CDH4: variants seen among roughly 807,000 people sequenced by gnomAD.
CDH4 encodes the protein cadherin-4.
In CDH4, 33 loss-of-function variants were observed where a neutral mutation model predicts 86.0. That is an observed-to-expected ratio of 0.38 (90% confidence interval 0.29 to 0.51). The LOEUF (loss-of-function observed/expected upper bound fraction) is 0.51. Among genes scored for constraint, CDH4 ranks in the 20% least tolerant of loss-of-function variants. The pLI is 0.86. For synonymous variants in CDH4, 555 were observed against 549.4 expected (o/e 1.01, Z -0.14); for missense variants, 1,114 against 1,307.4 (o/e 0.85, Z 2.28).
chr20:61,871,996 CG>C (rs1463039739), intron 6 of CDH4, among the ~76,000 whole-genome samples: 3 of 149,270 alleles, frequency 2.0e-5, no homozygotes, highest in Non-Finnish European at 4.5e-5. Context: ...GCCAGAGTGG[CG>C]GTCTTCTCTG....
At chr20:61,893,328 GTTGGGTGGGTGGGTGGATAA>G (rs1236373974) in intron 7 of CDH4, among the ~76,000 whole-genome samples, 95 of 148,966 alleles carry the variant, frequency 6.4e-4, no homozygotes, top group East Asian at 1.0e-3. Flanking sequence ...AGTGATGGTG[GTTGGGTGGGTGGGTGGATAA>G]ATGAATGGGT....
In CDH4 at chr20:61,345,884, G is replaced by A. The variant is rs568486083; in HGVS notation, c.169+90947G>A. Among the ~76,000 whole-genome samples the A allele has an allele frequency of 4.6e-5, 7 of 152,318 alleles. No individual in the cohort carries two copies. In the South Asian group the frequency reaches 1.5e-3, roughly 32 times the overall value. On this transcript the variant is annotated intron_variant, in intron 2 of 15. Coordinates refer to ENST00000614565, the MANE Select transcript of CDH4 (RefSeq NM_001794.5). ...CTCTCCAAGGTATGCATTCCTTAGG[G>A]TGCCCTGTCAGCTCTGCGTCTTCTA...
intron 3 of CDH4, 123 bp from the exon 4 acceptor site, chr20:61,772,880 C>A: frequency 1.3e-6 from 1 of 748,686 alleles, no homozygotes; most frequent in Non-Finnish European, 2.0e-6. Flanking sequence ...AGCTCCTTGT[C>A]CCAGCGTTAC....
At chr20:61,365,165 A>G (rs1297860720) in intron 2 of CDH4, among the ~76,000 whole-genome samples, 3 of 152,246 alleles carry the variant, frequency 2.0e-5, no homozygotes, top group African/African-American at 7.2e-5. Context: ...GATCATAGCA[A>G]GAGTCCAAGG....
At chr20:61,275,902 G>A (rs1018488213) in intron 2 of CDH4, among the ~76,000 whole-genome samples, 1 of 152,102 alleles carries the variant, frequency 6.6e-6, no homozygotes, top group Admixed American at 6.6e-5. Context: ...TGAGACTGTA[G>A]CTTCTCTCTA....
At chr20:61,924,290 C>G (rs539003575) in intron 10 of CDH4, 44 bp from the exon 11 acceptor site, 1 of 1,513,658 alleles carries the variant, frequency 6.6e-7, no homozygotes, top group Non-Finnish European at 9.1e-7. Flanking sequence ...GGCAGCCCCG[C>G]CCACCCCCAG....
chr20:61,888,702 G>C (rs1984655143), intron 7 of CDH4, among the ~76,000 whole-genome samples: 1 of 152,368 alleles, frequency 6.6e-6, no homozygotes, highest in African/African-American at 2.4e-5. Context: ...ACATTCAGGA[G>C]ACCCAGCGGG....
At chr20:61,366,052 G>C (rs28542279) in intron 2 of CDH4, among the ~76,000 whole-genome samples, 1 of 152,212 alleles carries the variant, frequency 6.6e-6, no homozygotes, top group Non-Finnish European at 1.5e-5. Flanking sequence ...ATGGTTTTCA[G>C]GCAGCTCATG....
intron 2 of CDH4, among the ~76,000 whole-genome samples, chr20:61,381,060 G>A (rs548313187): frequency 1.1e-3 from 162 of 152,322 alleles, no homozygotes; most frequent in African/African-American, 3.4e-3. Flanking sequence ...ATTTTGCAAG[G>A]GAAGGTTATC....
chr20:61,273,322 G>A, intron 2 of CDH4, among the ~76,000 whole-genome samples: 1 of 142,200 alleles, frequency 7.0e-6, no homozygotes, highest in African/African-American at 2.6e-5. Flanking sequence ...GGAATACCAT[G>A]TGCAGTTTGG....
chr20:61,266,746 G>A (rs534691832), intron 2 of CDH4, among the ~76,000 whole-genome samples: 1 of 151,984 alleles, frequency 6.6e-6, no homozygotes, highest in Non-Finnish European at 1.5e-5. Context: ...CCTGCCTGGG[G>A]GGTGCTTGCT....
At chr20:61,825,909 C>T (rs1399547946) in intron 4 of CDH4, among the ~76,000 whole-genome samples, 3 of 152,212 alleles carry the variant, frequency 2.0e-5, no homozygotes, top group Non-Finnish European at 4.4e-5. Context: ...TGCCTCTCTT[C>T]GCCCACATCT....
At chr20:61,512,837 AAG>A (rs1381111140) in intron 2 of CDH4, among the ~76,000 whole-genome samples, 1 of 152,232 alleles carries the variant, frequency 6.6e-6, no homozygotes, top group Non-Finnish European at 1.5e-5. Context: ...AAATTCCTGA[AAG>A]AGGACCGACC....
At position 61,846,521 on chromosome 20, in the gene CDH4, C is replaced by G. The variant is rs114618364; in HGVS notation, c.732+1698C>G. Among the ~76,000 whole-genome samples the G allele has an allele frequency of 6.2e-3, 937 of 152,138 alleles. 14 individuals are homozygous for G. The highest frequency in any genetic ancestry group is 0.021 in the African/African-American group (867 of 41,504). ...AGAGACACAGACACACACACACACACAGAGATAGAGATACAGAGACAGAGA... is the reference window on the plus strand; with the variant it reads ...AGAGACACAGACACACACACACACAGAGAGATAGAGATACAGAGACAGAGA... On this transcript the variant is annotated intron_variant, in intron 5 of 15. Coordinates refer to ENST00000614565, the MANE Select transcript of CDH4 (RefSeq NM_001794.5).
chr20:61,747,126 C>T (rs974373709), intron 3 of CDH4, among the ~76,000 whole-genome samples: 10 of 152,078 alleles, frequency 6.6e-5, no homozygotes, highest in Non-Finnish European at 1.2e-4. Context: ...AAAGAACAAT[C>T]GAAAGAAGAG....
At chr20:61,698,289 A>G (rs2087736551) in intron 2 of CDH4, among the ~76,000 whole-genome samples, 1 of 152,202 alleles carries the variant, frequency 6.6e-6, no homozygotes, top group African/African-American at 2.4e-5. Context: ...CAGGCCCCAG[A>G]TCCGTCCTGC....
intron 2 of CDH4, among the ~76,000 whole-genome samples, chr20:61,661,344 A>G (rs1383886049): frequency 6.6e-6 from 1 of 152,116 alleles, no homozygotes; most frequent in Non-Finnish European, 1.5e-5. Context: ...TTCAGCTTGG[A>G]GGGTGGAAGT....
At chr20:61,324,614 C>T (rs373121318) in intron 2 of CDH4, among the ~76,000 whole-genome samples, 6 of 152,196 alleles carry the variant, frequency 3.9e-5, no homozygotes, top group Admixed American at 1.3e-4. Context: ...GGTTAGGACT[C>T]ACCTTAGTCT....
chr20:61,444,281 ATG>A (rs2085331250), intron 2 of CDH4, among the ~76,000 whole-genome samples: 37 of 42,304 alleles, frequency 8.7e-4, no homozygotes, highest in Non-Finnish European at 1.3e-3. Context: ...GTGTATGTGT[ATG>A]TATGTGTGGG....
Sources: allele counts gnomAD v4.1 joint callset (sites outside exome capture counted in the v4.1 genomes callset), GRCh38; gene constraint gnomAD v4.1.1; transcripts MANE v1.5; gene names NCBI Gene and HGNC (gene_info 2026-07-23, HGNC 2026-07-21).